Variants in HECW1 observed in about 807,000 individuals in gnomAD.
The protein encoded by HECW1 is HECT, C2 and WW domain containing E3 ubiquitin protein ligase 1, also known as E3 ubiquitin-protein ligase HECW1.
HECW1 carries 61 observed loss-of-function variants against 182.3 expected under a neutral mutation model. The observed-to-expected ratio is 0.33, with a 90% CI of 0.27 to 0.41. The LOEUF (loss-of-function observed/expected upper bound fraction) is 0.41, where lower values mean the gene tolerates loss of function less well. HECW1 is among the 10% of genes least tolerant of loss of function. HECW1 has a pLI of 1.00. For synonymous variants in HECW1, 859 were observed against 832.6 expected (o/e 1.03, Z -0.55); for missense variants, 1,739 against 2,108.9 (o/e 0.82, Z 3.44).
chr7:43,463,858 G>T, intron 14 of HECW1, 59 bp downstream of exon 14: 2 of 1,574,206 alleles, frequency 1.3e-6, no homozygotes, highest in Non-Finnish European at 1.7e-6. Context: ...GTGACAGAGG[G>T]CTACAAGCCT....
intron 6 of HECW1, among the ~76,000 whole-genome samples, chr7:43,381,792 G>A (rs1364175449): frequency 6.6e-6 from 1 of 152,002 alleles, no homozygotes; most frequent in Non-Finnish European, 1.5e-5. Context: ...ACAAAGTGCT[G>A]GGATTATAGG....
Position 43,307,899 on chromosome 7 carries a change from C to CAT in HECW1, c.28-3846_28-3845dup, listed in dbSNP as rs1311991541. On this transcript the variant is annotated intron_variant, in intron 3 of 29. Coordinates refer to ENST00000395891, the MANE Select transcript of HECW1 (RefSeq NM_015052.5). The stretch of plus-strand genomic sequence containing the variant: ...CACTATATATATATATATATATACA[C>CAT]ATATATATATATATATATACACACA... Among the ~76,000 whole-genome samples the CAT allele has an allele frequency of 2.7e-3, 331 of 124,268 alleles. 2 individuals are homozygous for CAT. Among genetic ancestry groups the CAT allele is most frequent in the East Asian group, 0.014 (63 of 4,594 alleles). The allele number at this position is 124,268 out of a possible 152,430, so 81.5% of individuals were successfully genotyped here. A position where few individuals can be genotyped will look rare whatever the true frequency, so the allele number is the denominator to read the frequency against.
chr7:43,120,288 C>A (rs73312816), intron 2 of HECW1, among the ~76,000 whole-genome samples: 3,055 of 152,200 alleles, frequency 0.02, 96 homozygotes, highest in African/African-American at 0.07. Context: ...CATCCTGACC[C>A]CCTTTATCAG....
chr7:43,425,075 G>A (rs1017044923), intron 8 of HECW1, among the ~76,000 whole-genome samples: 2 of 152,092 alleles, frequency 1.3e-5, no homozygotes, highest in Non-Finnish European at 2.9e-5. Flanking sequence ...ATCAGAAGGG[G>A]GATATTATGC....
chr7:43,546,552 A>G (rs925683375), intron 26 of HECW1, among the ~76,000 whole-genome samples: 7 of 151,352 alleles, frequency 4.6e-5, no homozygotes, highest in African/African-American at 1.7e-4. Flanking sequence ...GGGCAGGTAG[A>G]CCACTTTGAT....
At chr7:43,558,297 G>A (rs1045294166) in intron 29 of HECW1, among the ~76,000 whole-genome samples, 2 of 152,168 alleles carry the variant, frequency 1.3e-5, no homozygotes, top group African/African-American at 2.4e-5. Flanking sequence ...TTTGGGGCAG[G>A]GACCAGGGAT....
At chr7:43,531,035 A>G (rs1264976756) in intron 24 of HECW1, among the ~76,000 whole-genome samples, 1 of 152,186 alleles carries the variant, frequency 6.6e-6, no homozygotes, top group Non-Finnish European at 1.5e-5. Flanking sequence ...CTCTCTCCAC[A>G]ACCTTATCTC....
intron 5 of HECW1, among the ~76,000 whole-genome samples, chr7:43,323,371 A>G (rs2152783211): frequency 6.6e-6 from 1 of 152,298 alleles, no homozygotes; most frequent in Middle Eastern, 3.4e-3. Flanking sequence ...GGGCAGGCAG[A>G]TTGCTTGAGC....
At chr7:43,185,635 C>T (rs1211615988) in intron 2 of HECW1, among the ~76,000 whole-genome samples, 2 of 152,158 alleles carry the variant, frequency 1.3e-5, no homozygotes, top group African/African-American at 4.8e-5. Flanking sequence ...CAGAAGTATT[C>T]TTTGCTGATT....
At position 43,205,363 on chromosome 7, in the gene HECW1, C is replaced by T. The variant is rs555002715; in HGVS notation, c.-31-38512C>T. ...CTCCCAAACAAACAATAAATTCTTT[C>T]GGCAGCATTGAGTTTTCTCAGGCAG... On this transcript the variant is annotated intron_variant, in intron 2 of 29. Transcript: ENST00000395891. Among the ~76,000 whole-genome samples, 38 of 152,256 alleles carry T rather than the reference C, an allele frequency of 2.5e-4. 1 individual carries two copies. Among genetic ancestry groups the T allele is most frequent in the Admixed American group, 2.3e-3 (35 of 15,294 alleles).
intron 3 of HECW1, among the ~76,000 whole-genome samples, chr7:43,306,552 T>C (rs1256938260): frequency 6.6e-6 from 1 of 152,228 alleles, no homozygotes; most frequent in Non-Finnish European, 1.5e-5. Context: ...TCATCTTATA[T>C]ACTTTAATGA....
chr7:43,393,590 A>G (rs978913461), intron 6 of HECW1, among the ~76,000 whole-genome samples: 1 of 152,064 alleles, frequency 6.6e-6, no homozygotes, highest in Non-Finnish European at 1.5e-5. Flanking sequence ...AAAGCCAAGA[A>G]TTTAGGTGGG....
chr7:43,455,727 G>A (rs1048747590), intron 12 of HECW1, among the ~76,000 whole-genome samples: 9 of 152,210 alleles, frequency 5.9e-5, no homozygotes, highest in South Asian at 4.2e-4. Context: ...GTGATGACCC[G>A]TGCCTGTAAT....
At chr7:43,419,074 T>C (rs1214307691) in intron 8 of HECW1, among the ~76,000 whole-genome samples, 2 of 152,212 alleles carry the variant, frequency 1.3e-5, no homozygotes, top group Non-Finnish European at 2.9e-5. Context: ...AGCCATAAAC[T>C]TGGGCTGAGC....
At chr7:43,322,264 T>C (rs879931155) in intron 5 of HECW1, among the ~76,000 whole-genome samples, 1 of 152,182 alleles carries the variant, frequency 6.6e-6, no homozygotes, top group Non-Finnish European at 1.5e-5. Flanking sequence ...TTCAGAATGC[T>C]AGCCAGGCTG....
chr7:43,514,713 A>C (rs371217377), intron 24 of HECW1, among the ~76,000 whole-genome samples: 1 of 152,164 alleles, frequency 6.6e-6, no homozygotes, highest in Admixed American at 6.5e-5. Flanking sequence ...ATCTTTAGGG[A>C]TACATAATTT....
intron 2 of HECW1, among the ~76,000 whole-genome samples, chr7:43,161,287 T>G (rs539938051): frequency 6.6e-6 from 1 of 152,340 alleles, no homozygotes; most frequent in Admixed American, 6.5e-5. Flanking sequence ...TTTTTCATTA[T>G]GTTGGTTAAT....
At chr7:43,166,266 A>G (rs1791099599) in intron 2 of HECW1, among the ~76,000 whole-genome samples, 1 of 152,132 alleles carries the variant, frequency 6.6e-6, no homozygotes, top group South Asian at 2.1e-4. Context: ...TATTTTTAGT[A>G]GAGATGGGGT....
intron 20 of HECW1, 29 bp from the exon 21 acceptor site, chr7:43,501,179 CTTTCT>C: frequency 9.2e-7 from 1 of 1,091,960 alleles, no homozygotes; most frequent in Non-Finnish European, 1.3e-6. Flanking sequence ...ACTTTCTTTT[CTTTCT>C]TTTTTTTTTT....
Sources: allele counts gnomAD v4.1 joint callset (sites outside exome capture counted in the v4.1 genomes callset), GRCh38; gene constraint gnomAD v4.1.1; transcripts MANE v1.5; gene names NCBI Gene and HGNC (gene_info 2026-07-23, HGNC 2026-07-21).